FOXJ3: variants seen among roughly 807,000 people sequenced by gnomAD.
FOXJ3 encodes forkhead box J3.
FOXJ3 carries 22 observed loss-of-function variants against 76.1 expected under a neutral mutation model. The ratio of observed to expected loss-of-function variants is 0.29; its 90% CI spans 0.21 to 0.41. The LOEUF (loss-of-function observed/expected upper bound fraction) is 0.41. Ranked by LOEUF, FOXJ3 falls within the 10% of genes least tolerant of loss-of-function variation. The pLI is 1.00. For missense variants in FOXJ3, 613 were observed against 762.1 expected (o/e 0.80, Z 2.30); for synonymous variants, 269 against 261.2 (o/e 1.03, Z -0.29).
intron 4 of FOXJ3, among the ~76,000 whole-genome samples, chr1:42,244,267 C>G (rs989903711): frequency 2.6e-5 from 4 of 152,036 alleles, no homozygotes; most frequent in Non-Finnish European, 4.4e-5. Context: ...CTTCAAGAAC[C>G]TGAAAAACAA....
chr1:42,190,781 T>C (rs970190683), intron 9 of FOXJ3, among the ~76,000 whole-genome samples: 2 of 152,170 alleles, frequency 1.3e-5, no homozygotes, highest in African/African-American at 2.4e-5. Context: ...CTTTAATAAA[T>C]AGTGACCTGG....
intron 6 of FOXJ3, among the ~76,000 whole-genome samples, chr1:42,201,615 T>C (rs1646766218): frequency 6.6e-6 from 1 of 152,232 alleles, no homozygotes; most frequent in Non-Finnish European, 1.5e-5. Flanking sequence ...ATTGCTGGGT[T>C]AAATTAGACA....
At position 42,181,973 on chromosome 1, in the gene FOXJ3, G is replaced by A. The variant is rs746077805; in HGVS notation, c.1697C>T (p.Pro566Leu). The A allele has an allele frequency of 6.2e-7, 1 of 1,613,588 alleles. No individual in the cohort carries two copies. The highest frequency in any genetic ancestry group is 8.5e-7 in the Non-Finnish European group (1 of 1,179,712). The change falls in exon 12 of 13, where the codon CCC (proline) becomes CTC (leucine). Residue 566 changes from proline to leucine, a missense_variant. By Grantham distance (98) the Pro-to-Leu change is moderately conservative (BLOSUM62 -3). Transcript: ENST00000361346. ...CTGTGGGATATGAGGATAACCAGGG[G>A]GTGGCATCACTGAAGGAGGGAGATT... ...RQNLPPSVMP[P>L]PGYPHIPQAL...
At chr1:42,185,723 A>G (rs920632382) in intron 11 of FOXJ3, among the ~76,000 whole-genome samples, 1 of 152,076 alleles carries the variant, frequency 6.6e-6, no homozygotes, top group African/African-American at 2.4e-5. Context: ...ATCAAATTAG[A>G]ATAGTAGAGC....
Position 42,183,495 on chromosome 1 carries a change from C to T in FOXJ3, c.1646-1471G>A, listed in dbSNP as rs1289908364. On this transcript the variant is annotated intron_variant, in intron 11 of 12. Transcript: ENST00000361346. The stretch of plus-strand genomic sequence containing the variant: ...CTCCAAAATGTCAACTACGTTACAT[C>T]ACAATGCAAAAGAGAGAACAAACAT... 2.0e-5 allele frequency among the ~76,000 whole-genome samples: 3 copies of T among 151,798 alleles called. 1 individual carries two copies. The highest frequency in any genetic ancestry group is 7.3e-5 in the African/African-American group (3 of 41,178).
intron 3 of FOXJ3, among the ~76,000 whole-genome samples, chr1:42,271,907 G>T (rs1452566265): frequency 6.6e-6 from 1 of 152,182 alleles, no homozygotes; most frequent in African/African-American, 2.4e-5. Flanking sequence ...GCCTCCCAAA[G>T]TGCTGGGATT....
chr1:42,178,891 G>A lies in FOXJ3; in HGVS notation c.*819C>T, dbSNP rs1646263944. The A allele has an allele frequency of 6.6e-6, 1 of 152,632 alleles. No individual in the cohort carries two copies. The highest frequency in any genetic ancestry group is 1.5e-5 in the Non-Finnish European group (1 of 68,044). The allele number at this position is 152,632 out of a possible 1,614,324, so 9.5% of individuals were successfully genotyped here. ...AGAAGGTAGCAATAAATATTAAAAT[G>A]ACACTTTTGAATAATAAATACATAG... On this transcript the variant is annotated 3_prime_UTR_variant, in exon 13 of 13. Coordinates refer to ENST00000361346, the MANE Select transcript of FOXJ3 (RefSeq NM_014947.5).
intron 1 of FOXJ3, among the ~76,000 whole-genome samples, chr1:42,332,560 T>C (rs1656224740): frequency 6.6e-6 from 1 of 152,038 alleles, no homozygotes; most frequent in Non-Finnish European, 1.5e-5. Context: ...GTCTCTCCAC[T>C]CCCAGGACAC....
chr1:42,213,513 C>T (rs1188750179), intron 5 of FOXJ3, among the ~76,000 whole-genome samples: 1 of 149,642 alleles, frequency 6.7e-6, no homozygotes, highest in Non-Finnish European at 1.5e-5. Flanking sequence ...ATAAAAGGAC[C>T]AATTCAACAA....
chr1:42,248,573 A>C (rs903334350), intron 4 of FOXJ3, among the ~76,000 whole-genome samples: 4 of 151,396 alleles, frequency 2.6e-5, no homozygotes, highest in African/African-American at 9.7e-5. Flanking sequence ...ATGGTATGTA[A>C]ATTTTTTCTC....
At chr1:42,248,136 A>G (rs2124552230) in intron 4 of FOXJ3, among the ~76,000 whole-genome samples, 1 of 152,328 alleles carries the variant, frequency 6.6e-6, no homozygotes, top group South Asian at 2.1e-4. Context: ...CTGTTAATGG[A>G]TAGGTTTCTT....
chr1:42,229,568 G>A (rs1028227038), intron 4 of FOXJ3, among the ~76,000 whole-genome samples: 1 of 152,078 alleles, frequency 6.6e-6, no homozygotes, highest in East Asian at 1.9e-4. Flanking sequence ...TCATTTCATC[G>A]CCCAGCTACT....
At chr1:42,327,255 G>C (rs114647648) in intron 1 of FOXJ3, among the ~76,000 whole-genome samples, 1,633 of 152,168 alleles carry the variant, frequency 0.011, 33 homozygotes, top group African/African-American at 0.038. Flanking sequence ...CTGTACACAG[G>C]GTAGACAAGT....
chr1:42,216,507 G>C (rs1342337148), intron 5 of FOXJ3, among the ~76,000 whole-genome samples: 1 of 149,248 alleles, frequency 6.7e-6, no homozygotes, highest in African/African-American at 2.5e-5. Flanking sequence ...GACAGAGCGA[G>C]ACTCCGTCTC....
In FOXJ3 at chr1:42,292,348, T is replaced by C. The variant is rs568125601; in HGVS notation, c.45-13676A>G. Among the ~76,000 whole-genome samples, 469 of 152,258 alleles carry C rather than the reference T, an allele frequency of 3.1e-3. 4 individuals carry two copies. Among genetic ancestry groups the C allele is most frequent in the African/African-American group, 0.011 (450 of 41,544 alleles). ...CAACGGCTTGGCAGTTTCTTAAACA[T>C]ACACCTACAATATGGCAGTCATTTC... On this transcript the variant is annotated intron_variant, in intron 2 of 12. Coordinates refer to ENST00000361346, the MANE Select transcript of FOXJ3 (RefSeq NM_014947.5).
At chr1:42,335,511 T>C (rs1468886753), upstream of FOXJ3, 1 of 152,344 alleles carries the variant, frequency 6.6e-6, no homozygotes. Context: ...AACCCCGCAG[T>C]TGAGGACAGT....
intron 8 of FOXJ3, among the ~76,000 whole-genome samples, chr1:42,193,822 T>TG (rs1411376078): frequency 2.0e-5 from 3 of 152,266 alleles, no homozygotes; most frequent in African/African-American, 7.2e-5. Flanking sequence ...TGTTGGAACT[T>TG]CAACCCCCAG....
intron 4 of FOXJ3, among the ~76,000 whole-genome samples, chr1:42,229,615 A>C (rs1267756448): frequency 1.3e-5 from 2 of 152,152 alleles, no homozygotes; most frequent in Non-Finnish European, 2.9e-5. Flanking sequence ...CAAAACGGTC[A>C]CTACATTTCA....
intron 11 of FOXJ3, among the ~76,000 whole-genome samples, chr1:42,184,968 G>A (rs1366071061): frequency 6.6e-6 from 1 of 152,080 alleles, no homozygotes; most frequent in Non-Finnish European, 1.5e-5. Flanking sequence ...GGAGAAGGCA[G>A]AAGACAAGAT....
Sources: allele counts gnomAD v4.1 joint callset (sites outside exome capture counted in the v4.1 genomes callset), GRCh38; gene constraint gnomAD v4.1.1; transcripts MANE v1.5; gene names NCBI Gene and HGNC (gene_info 2026-07-23, HGNC 2026-07-21).